Variants in WDR45 observed in about 807,000 individuals in gnomAD.
WDR45 encodes WD repeat domain phosphoinositide-interacting protein 4.
Under a neutral mutation model 27.3 loss-of-function variants are expected in WDR45, and 2 were observed. That is an observed-to-expected ratio of 0.07 (90% CI 0.03 to 0.23). WDR45 has a LOEUF of 0.23. Ranked by LOEUF, WDR45 falls within the 10% of genes least tolerant of loss-of-function variation. WDR45 has a pLI of 1.00. For synonymous variants in WDR45, 99 were observed against 119.2 expected, an observed-to-expected ratio of 0.83 and a Z score of 1.11; for missense variants, 175 against 311.9, an observed-to-expected ratio of 0.56 and a Z score of 3.31.
intron 2 of WDR45, among the ~76,000 whole-genome samples, chrX:49,096,781 G>C (rs781817785): frequency 9.0e-6 from 1 of 111,616 alleles, no homozygotes; most frequent in East Asian, 2.8e-4. Context: ...TTGAGACTGA[G>C]TTTCGCTCTG....
chrX:49,076,559 G>T (rs782069953), intron 5 of WDR45, 35 bp from the exon 6 acceptor site: 40 of 1,205,590 alleles, frequency 3.3e-5, no homozygotes, highest in Non-Finnish European at 3.9e-5. Flanking sequence ...TGGCCGTGAG[G>T]GGGTGGCGGG....
In WDR45 at chrX:49,077,620, A is replaced by C; in HGVS notation, c.235+23T>G. 2.6e-6 allele frequency: 3 copies of C among 1,172,073 alleles called. No individual in the cohort carries two copies. In the South Asian group the frequency reaches 5.6e-5, roughly 22 times the overall value. On this transcript the variant is annotated intron_variant, in intron 4 of 10. Transcript: ENST00000376372. ...CCAGGAATCCGAGAAATCTGGGCCA[A>C]AGGGCAGGATGAGGGCACTTACCTG...
At chrX:49,097,807 C>A (rs1362619004) in intron 2 of WDR45, among the ~76,000 whole-genome samples, 1 of 108,233 alleles carries the variant, frequency 9.2e-6, no homozygotes, top group Non-Finnish European at 1.9e-5. Flanking sequence ...CAGGCGTTAG[C>A]CACCACACCT....
chrX:49,085,023 C>T, intron 2 of WDR45, among the ~76,000 whole-genome samples: 1 of 112,053 alleles, frequency 8.9e-6, no homozygotes, highest in East Asian at 2.8e-4. Flanking sequence ...CTACAACTGT[C>T]CCAGCACACT....
At chrX:49,097,429 C>T (rs1557087502) in intron 2 of WDR45, among the ~76,000 whole-genome samples, 1 of 105,462 alleles carries the variant, frequency 9.5e-6, no homozygotes, top group Non-Finnish European at 1.9e-5. Flanking sequence ...TGGTTTTAAG[C>T]GATTCTCCTG....
At chrX:49,086,831 G>C (rs1465049216) in intron 2 of WDR45, among the ~76,000 whole-genome samples, 2 of 108,993 alleles carry the variant, frequency 1.8e-5, no homozygotes, top group African/African-American at 6.7e-5. Context: ...GATCTCAAAT[G>C]ATCTGCCCGC....
upstream of WDR45, among the ~76,000 whole-genome samples, chrX:49,081,198 G>T (rs1311729500): frequency 2.0e-5 from 2 of 100,912 alleles, no homozygotes; most frequent in African/African-American, 6.8e-5. Context: ...GAGCCACTGC[G>T]CCCGGCTGGA....
rs377212055 is a variant in WDR45 at position 49,076,601 on chromosome X, T to C, written c.341+44A>G. ...AGGGAGGACTATCCCTCTCACTTAC[T>C]GTGGGGACCTCCTACCTCCCACCCC... is the stretch of plus-strand genomic sequence containing the variant. On this transcript the variant is annotated intron_variant, in intron 5 of 10. Transcript: ENST00000376372. 2.8e-5 allele frequency: 34 copies of C among 1,198,775 alleles called. No individual in the cohort carries two copies. The African/African-American group carries it at 5.6e-4, about 20-fold the overall frequency.
At chrX:49,081,735 G>A (rs1340797632), upstream of WDR45, among the ~76,000 whole-genome samples, 3 of 108,367 alleles carry the variant, frequency 2.8e-5, no homozygotes, top group South Asian at 3.9e-4. Flanking sequence ...TGTAATCCCA[G>A]CAATTTGGGA....
chrX:49,088,935 CA>C (rs1369501552), intron 2 of WDR45, among the ~76,000 whole-genome samples: 14 of 112,170 alleles, frequency 1.2e-4, no homozygotes, highest in Non-Finnish European at 2.6e-4. Flanking sequence ...GGGAAGGAGA[CA>C]ATCTGAATTT....
chrX:49,093,369 A>G (rs2065113925), intron 2 of WDR45, among the ~76,000 whole-genome samples: 1 of 105,918 alleles, frequency 9.4e-6, no homozygotes, highest in African/African-American at 3.5e-5. Flanking sequence ...TGCAACCTCC[A>G]CCTCCTGGGT....
rs1354651899 is a variant in WDR45 at position 49,076,167 on chromosome X, C to T, written c.437-222G>A. 1.7e-5 allele frequency: 8 copies of T among 465,189 alleles called. No homozygotes were observed. In the East Asian group the frequency reaches 2.9e-4, roughly 17 times the overall value. 38.3% of individuals were successfully genotyped at this position (465,189 alleles called of 1,213,427 possible). ...TAAGCTGCTATCACAGCCCCAGAAG[C>T]TCAGGGATCCCTGACACACCCACCC... is the stretch of plus-strand genomic sequence containing the variant. On this transcript the variant is annotated intron_variant, in intron 6 of 10. Transcript: ENST00000376372.
At chrX:49,091,147 G>A (rs1379833072) in intron 2 of WDR45, among the ~76,000 whole-genome samples, 1 of 110,520 alleles carries the variant, frequency 9.0e-6, no homozygotes, top group Non-Finnish European at 1.9e-5. Context: ...TAGAGTGAAA[G>A]AACTTAGAGA....
At position 49,076,655 on chromosome X, in the gene WDR45, G is replaced by A. The variant is rs781985024; in HGVS notation, c.331C>T (p.Arg111Cys). 11 of 1,208,799 alleles carry A rather than the reference G, an allele frequency of 9.1e-6. No individual in the cohort carries two copies. Among genetic ancestry groups the A allele is most frequent in the East Asian group, 3.0e-5 (1 of 33,719 alleles). Residue 111 changes from arginine to cysteine, a missense_variant, in exon 5 of 11, where the codon CGC becomes TGC. Physicochemically the swap from Arg to Cys is radical, Grantham distance 180. This residue lies in a region of WDR45 where 102 missense variants were observed against 165.4 expected (regional missense o/e 0.62). Transcript: ENST00000376372. ...FTKPVLSVRM[R>C]HDKIVIVLKN... ...CCTCCTCAGGCTCACTTGTCATGGC[G>A]CATGCGCACAGAAAGCACTGGCTTG... is the stretch of plus-strand genomic sequence containing the variant.
At chrX:49,075,524 C>T in intron 8 of WDR45, 21 bp downstream of exon 8, 2 of 1,211,469 alleles carry the variant, frequency 1.7e-6, no homozygotes, top group East Asian at 5.9e-5. Context: ...CACCAGCCCA[C>T]CATGCATACC....
At chrX:49,100,729 T>C (rs1294013027) in intron 1 of WDR45, 1 of 110,547 alleles carries the variant, frequency 9.0e-6, no homozygotes, top group Non-Finnish European at 1.9e-5. Context: ...GCCCTGACAC[T>C]TAGGGCTTTT....
At chrX:49,091,142 T>G (rs1454748884) in intron 2 of WDR45, among the ~76,000 whole-genome samples, 1 of 109,479 alleles carries the variant, frequency 9.1e-6, no homozygotes, top group African/African-American at 3.3e-5. Context: ...TTTTATAGAG[T>G]GAAAGAACTT....
Position 49,075,927 on chromosome X carries a change from G to C in WDR45, c.455C>G (p.Pro152Arg), listed in dbSNP as rs782121145. ...DNPKGLCDLC[P>R]SLEKQLLVFP... is the part of the protein sequence containing the mutation. Reference sequence around the variant, plus strand: ...CACTAGCAGTTGCTTCTCCAGGCTGGGGCAGAGGTCACAGAGCCCTAGGGT... The same window carrying C: ...CACTAGCAGTTGCTTCTCCAGGCTGCGGCAGAGGTCACAGAGCCCTAGGGT... Residue 152 changes from proline to arginine, a missense_variant, in exon 7 of 11, where the codon CCC becomes CGC. By Grantham distance (103) the Pro-to-Arg change is moderately radical. This residue lies in a region of WDR45 where 102 missense variants were observed against 165.4 expected (regional missense o/e 0.62). Transcript: ENST00000376372. 1.7e-6 allele frequency: 2 copies of C among 1,210,576 alleles called. No individual in the cohort carries two copies. Among genetic ancestry groups the C allele is most frequent in the South Asian group, 1.8e-5 (1 of 56,743 alleles).
intron 2 of WDR45, among the ~76,000 whole-genome samples, chrX:49,089,939 C>A (rs2065098916): frequency 9.0e-6 from 1 of 111,137 alleles, no homozygotes; most frequent in South Asian, 3.7e-4. Context: ...TATGAAAAAC[C>A]AAGATAGGCA....
Sources: allele counts gnomAD v4.1 joint callset (sites outside exome capture counted in the v4.1 genomes callset), GRCh38; gene constraint gnomAD v4.1.1; regional missense constraint gnomAD v4.1.1; transcripts MANE v1.5; gene names NCBI Gene and HGNC (gene_info 2026-07-23, HGNC 2026-07-21).